Variants in SYNDIG1 observed in about 807,000 individuals in gnomAD.
The protein encoded by SYNDIG1 is synapse differentiation-inducing gene protein 1.
In SYNDIG1, 9 loss-of-function variants were observed where a neutral mutation model predicts 19.4. The observed-to-expected ratio is 0.46, with a 90% CI of 0.28 to 0.81. SYNDIG1 has a LOEUF of 0.81. SYNDIG1 is among the 30% of genes least tolerant of loss of function. The probability of loss-of-function intolerance (pLI) is 0.12; values close to 1 mark genes in which losing one functional copy is unlikely to be tolerated. For missense variants in SYNDIG1, 311 were observed against 343.3 expected, an observed-to-expected ratio of 0.91 and a Z score of 0.74; for synonymous variants, 141 against 145.9, an observed-to-expected ratio of 0.97 and a Z score of 0.24.
At chr20:24,567,113 C>A (rs2058058357) in intron 2 of SYNDIG1, among the ~76,000 whole-genome samples, 1 of 152,122 alleles carries the variant, frequency 6.6e-6, no homozygotes, top group Non-Finnish European at 1.5e-5. Flanking sequence ...GTCTCACAGC[C>A]ATGAAAATTC....
At chr20:24,504,678 T>C (rs1350626216) in intron 1 of SYNDIG1, among the ~76,000 whole-genome samples, 5 of 152,202 alleles carry the variant, frequency 3.3e-5, no homozygotes, top group African/African-American at 1.2e-4. Context: ...GAAGAACAGC[T>C]TCTACTTCAA....
At chr20:24,564,685 A>G (rs1242528672) in intron 2 of SYNDIG1, among the ~76,000 whole-genome samples, 1 of 152,238 alleles carries the variant, frequency 6.6e-6, no homozygotes, top group African/African-American at 2.4e-5. Flanking sequence ...TACAAATGGT[A>G]CACGTGGCTG....
At chr20:24,571,902 G>A (rs950820757) in intron 2 of SYNDIG1, among the ~76,000 whole-genome samples, 2 of 152,180 alleles carry the variant, frequency 1.3e-5, no homozygotes, top group Admixed American at 6.5e-5. Flanking sequence ...TTCTTCAAGA[G>A]AGGACCTTCA....
intron 1 of SYNDIG1, among the ~76,000 whole-genome samples, chr20:24,493,519 G>C (rs892744778): frequency 6.6e-6 from 1 of 152,242 alleles, no homozygotes; most frequent in East Asian, 1.9e-4. Flanking sequence ...ACACTGTGGT[G>C]AAGTTTGCTT....
chr20:24,478,342 C>T (rs1235466134), intron 1 of SYNDIG1, among the ~76,000 whole-genome samples: 1 of 152,158 alleles, frequency 6.6e-6, no homozygotes, highest in African/African-American at 2.4e-5. Flanking sequence ...TGAGCTTTGG[C>T]TGTTATTCTG....
At chr20:24,654,590 A>G (rs2147378489) in intron 3 of SYNDIG1, among the ~76,000 whole-genome samples, 1 of 150,480 alleles carries the variant, frequency 6.6e-6, no homozygotes, top group Admixed American at 6.6e-5. Flanking sequence ...AGAAAGGAAG[A>G]CAGAGAGAAA....
At chr20:24,520,320 A>G (rs1674387598) in intron 1 of SYNDIG1, among the ~76,000 whole-genome samples, 3 of 151,926 alleles carry the variant, frequency 2.0e-5, no homozygotes, top group Admixed American at 1.3e-4. Flanking sequence ...CTACAGTACT[A>G]AATTTGTAGA....
chr20:24,661,553 A>AGG (rs1568723462), intron 3 of SYNDIG1, among the ~76,000 whole-genome samples: 1 of 50,716 alleles, frequency 2.0e-5, no homozygotes. Context: ...GGGAGGGAGG[A>AGG]AAAAAGAGAG....
intron 1 of SYNDIG1, among the ~76,000 whole-genome samples, chr20:24,526,914 T>A (rs766891559): frequency 8.5e-5 from 13 of 152,186 alleles, no homozygotes; most frequent in Non-Finnish European, 1.5e-4. Flanking sequence ...CCATTCTAGT[T>A]TTTGTTGCTA....
intron 3 of SYNDIG1, among the ~76,000 whole-genome samples, chr20:24,599,897 G>A (rs1489704130): frequency 6.6e-6 from 1 of 152,110 alleles, no homozygotes; most frequent in Non-Finnish European, 1.5e-5. Context: ...TAGATAGAGG[G>A]AATACATTCA....
chr20:24,630,938 A>G (rs928881399), intron 3 of SYNDIG1, among the ~76,000 whole-genome samples: 2 of 152,286 alleles, frequency 1.3e-5, no homozygotes, highest in Non-Finnish European at 2.9e-5. Context: ...AAAGGAGGAC[A>G]GCAGGATCAC....
At chr20:24,606,880 G>A (rs2058764255) in intron 3 of SYNDIG1, among the ~76,000 whole-genome samples, 2 of 152,240 alleles carry the variant, frequency 1.3e-5, no homozygotes, top group Admixed American at 1.3e-4. Flanking sequence ...AGCAGAAGAA[G>A]CAGTGTTTGG....
At chr20:24,505,467 C>T (rs1328264869) in intron 1 of SYNDIG1, among the ~76,000 whole-genome samples, 1 of 152,202 alleles carries the variant, frequency 6.6e-6, no homozygotes, top group Non-Finnish European at 1.5e-5. Flanking sequence ...CCCCCTTACT[C>T]AACCTAGCAG....
chr20:24,652,037 A>G (rs923266512), intron 3 of SYNDIG1, among the ~76,000 whole-genome samples: 2 of 152,332 alleles, frequency 1.3e-5, no homozygotes, highest in Admixed American at 1.3e-4. Context: ...CCTGACCCAC[A>G]AATTATGAGA....
At chr20:24,472,495 T>C (rs2055497677) in intron 1 of SYNDIG1, among the ~76,000 whole-genome samples, 1 of 152,234 alleles carries the variant, frequency 6.6e-6, no homozygotes, top group Non-Finnish European at 1.5e-5. Flanking sequence ...GTTATTACTA[T>C]TATCAGAGAA....
intron 3 of SYNDIG1, among the ~76,000 whole-genome samples, chr20:24,600,355 T>C (rs1316217543): frequency 6.6e-6 from 1 of 152,158 alleles, no homozygotes; most frequent in East Asian, 1.9e-4. Context: ...AATAGAAACC[T>C]AAATGCATAG....
intron 3 of SYNDIG1, among the ~76,000 whole-genome samples, chr20:24,632,299 G>A (rs1360491684): frequency 6.6e-6 from 1 of 152,052 alleles, no homozygotes; most frequent in East Asian, 1.9e-4. Context: ...GAGTGCAGTG[G>A]TGCGATCACA....
At chr20:24,650,980 T>C (rs1305909984) in intron 3 of SYNDIG1, among the ~76,000 whole-genome samples, 1 of 152,116 alleles carries the variant, frequency 6.6e-6, no homozygotes, top group Non-Finnish European at 1.5e-5. Context: ...GGATTACAGG[T>C]GCGCACCACC....
intron 3 of SYNDIG1, among the ~76,000 whole-genome samples, chr20:24,586,595 T>C (rs1355946770): frequency 6.6e-6 from 1 of 152,100 alleles, no homozygotes; most frequent in African/African-American, 2.4e-5. Flanking sequence ...GAAGGAGAGA[T>C]TGGGCCCGGG....
Sources: gnomAD v4.1 joint callset for allele counts (sites outside exome capture counted in the v4.1 genomes callset) on GRCh38, gnomAD v4.1.1 for gene constraint, MANE v1.5 for transcripts, NCBI Gene and HGNC (gene_info 2026-07-23, HGNC 2026-07-21) for gene names.